The following NDUFA12 variants were observed in gnomAD, a reference collection of about 807,000 sequenced individuals.
The protein encoded by NDUFA12 is NADH dehydrogenase [ubiquinone] 1 alpha subcomplex subunit 12.
Under a neutral mutation model 20.3 loss-of-function variants are expected in NDUFA12, and 17 were observed. The ratio of observed to expected loss-of-function variants is 0.84; its 90% CI spans 0.57 to 1.26. NDUFA12 has a LOEUF of 1.26. Ranked by LOEUF, NDUFA12 falls within the 50% of genes most tolerant of loss-of-function variation. The pLI, the probability that NDUFA12 is intolerant of heterozygous loss-of-function variation, is 0.00. For missense variants in NDUFA12, 191 were observed against 183.7 expected, an observed-to-expected ratio of 1.04 and a Z score of -0.23; for synonymous variants, 72 against 63.6, an observed-to-expected ratio of 1.13 and a Z score of -0.63.
chr12:95,001,598 A>C (rs528074194), intron 2 of NDUFA12, among the ~76,000 whole-genome samples: 1 of 152,268 alleles, frequency 6.6e-6, no homozygotes, highest in East Asian at 1.9e-4. Flanking sequence ...ACTGCACTCT[A>C]GACTGGGTGA....
intron 2 of NDUFA12, among the ~76,000 whole-genome samples, chr12:95,000,633 A>G (rs912771657): frequency 1.3e-5 from 2 of 152,184 alleles, no homozygotes; most frequent in Admixed American, 6.5e-5. Context: ...TAGGGAAGTT[A>G]ATTAAGTTAA....
At chr12:94,973,919 T>G (rs1308265993) in intron 3 of NDUFA12, among the ~76,000 whole-genome samples, 1 of 151,754 alleles carries the variant, frequency 6.6e-6, no homozygotes, top group East Asian at 1.9e-4. Context: ...AATCATATCT[T>G]TCAGATTGCC....
chr12:94,971,825 T>A (rs1873896806), intron 3 of NDUFA12: 1 of 751,452 alleles, frequency 1.3e-6, no homozygotes, highest in East Asian at 2.4e-5. Context: ...TAAAAGGAGA[T>A]AATAGACATA....
chr12:94,978,362 T>C (rs1423134162), intron 3 of NDUFA12, among the ~76,000 whole-genome samples: 2 of 152,088 alleles, frequency 1.3e-5, no homozygotes, highest in South Asian at 4.1e-4. Context: ...GAGGCAGTGA[T>C]GAGATGTGGG....
intron 3 of NDUFA12, among the ~76,000 whole-genome samples, chr12:94,991,430 GA>G (rs71075889): frequency 5.4e-5 from 8 of 147,472 alleles, no homozygotes; most frequent in South Asian, 4.3e-4. Flanking sequence ...AAAATTAATT[GA>G]AAAAAAAAAG....
intron 3 of NDUFA12, among the ~76,000 whole-genome samples, chr12:94,984,736 A>ACAAC (rs1874358369): frequency 1.3e-5 from 1 of 74,164 alleles, no homozygotes; most frequent in Non-Finnish European, 2.4e-5. Context: ...ACAACAAAAA[A>ACAAC]CCCATATATA....
At chr12:94,974,203 C>T (rs1873987256) in intron 3 of NDUFA12, among the ~76,000 whole-genome samples, 2 of 151,924 alleles carry the variant, frequency 1.3e-5, no homozygotes, top group South Asian at 4.1e-4. Flanking sequence ...AACTCCTGGC[C>T]TCCAGTGATT....
rs377503358 is a variant in NDUFA12 at position 94,986,288 on chromosome 12, C to T, written c.257+7882G>A. On this transcript the variant is annotated intron_variant, in intron 3 of 3. Transcript: ENST00000327772. ...AAGCAGAGTAGAATGGTGGTTACCA[C>T]GGGCAGGAGGAGTGGAGAGTATAAG... 6.0e-3 allele frequency among the ~76,000 whole-genome samples: 914 copies of T among 151,542 alleles called. 3 individuals carry two copies. Among genetic ancestry groups the T allele is most frequent in the African/African-American group, 0.012 (492 of 41,324 alleles).
At chr12:95,003,293 T>C (rs566556099) in intron 1 of NDUFA12, among the ~76,000 whole-genome samples, 11 of 152,110 alleles carry the variant, frequency 7.2e-5, no homozygotes, top group Non-Finnish European at 1.6e-4. Flanking sequence ...GGAAAAAAAC[T>C]TTACCAGGGT....
At chr12:94,990,428 C>CT (rs1555200893) in intron 3 of NDUFA12, among the ~76,000 whole-genome samples, 2 of 151,940 alleles carry the variant, frequency 1.3e-5, no homozygotes, top group African/African-American at 2.4e-5. Flanking sequence ...AACCAAAGAG[C>CT]TTTTTTTATT....
intron 2 of NDUFA12, among the ~76,000 whole-genome samples, chr12:95,001,877 G>C (rs975998849): frequency 6.6e-6 from 1 of 151,658 alleles, no homozygotes; most frequent in African/African-American, 2.4e-5. Flanking sequence ...GCTAATTTTT[G>C]TATTTTTAGT....
chr12:94,979,586 T>C (rs1451585988), intron 3 of NDUFA12, among the ~76,000 whole-genome samples: 1 of 151,596 alleles, frequency 6.6e-6, no homozygotes, highest in African/African-American at 2.4e-5. Flanking sequence ...ATCCCAGCAC[T>C]TTGGAAGGCT....
intron 1 of NDUFA12, 35 bp downstream of exon 1, chr12:95,003,560 C>T (rs1429106935): frequency 6.2e-7 from 1 of 1,606,588 alleles, no homozygotes; most frequent in African/African-American, 1.3e-5. Context: ...GAAAGTCCAG[C>T]CCCAGAGGCC....
At chr12:94,990,227 T>C (rs1296677511) in intron 3 of NDUFA12, among the ~76,000 whole-genome samples, 2 of 148,962 alleles carry the variant, frequency 1.3e-5, no homozygotes. Context: ...CCCTGGAGCT[T>C]AGAATAAAAG....
chr12:94,974,663 AT>A lies in NDUFA12; in HGVS notation c.258-3044del, dbSNP rs753468850. Among the ~76,000 whole-genome samples, 9 of 152,366 alleles carry A rather than the reference AT, an allele frequency of 5.9e-5. No individual in the cohort carries two copies. The South Asian group carries it at 1.9e-3, about 32-fold the overall frequency. ...AAATACAATGGGGTACTATTCAGCCATAAAAAAGAACAACATCCTGTCATTA... is the reference window on the plus strand; with the variant it reads ...AAATACAATGGGGTACTATTCAGCCAAAAAAAGAACAACATCCTGTCATTA... On this transcript the variant is annotated intron_variant, in intron 3 of 3. Coordinates refer to ENST00000327772, the MANE Select transcript of NDUFA12 (RefSeq NM_018838.5).
chr12:94,998,266 G>A (rs1046811392), intron 2 of NDUFA12, among the ~76,000 whole-genome samples: 1 of 152,012 alleles, frequency 6.6e-6, no homozygotes, highest in Non-Finnish European at 1.5e-5. Flanking sequence ...AAAAGCATTC[G>A]ATAAAATCCA....
intron 3 of NDUFA12, among the ~76,000 whole-genome samples, chr12:94,979,835 CAA>C (rs35821688): frequency 1.8e-4 from 25 of 137,186 alleles, no homozygotes; most frequent in Admixed American, 2.9e-4. Context: ...GACCCTGTCT[CAA>C]AAAAAAAAAA....
chr12:94,991,659 G>A (rs1234257730), intron 3 of NDUFA12, among the ~76,000 whole-genome samples: 2 of 148,944 alleles, frequency 1.3e-5, no homozygotes, highest in African/African-American at 4.9e-5. Context: ...CCTGGGAGGC[G>A]GAAGTTGCAG....
At chr12:94,993,347 G>A (rs1874707717) in intron 3 of NDUFA12, among the ~76,000 whole-genome samples, 1 of 89,716 alleles carries the variant, frequency 1.1e-5, no homozygotes. Flanking sequence ...AAATTAGGCC[G>A]AGTGCAGTGG....
Sources: allele counts gnomAD v4.1 joint callset (sites outside exome capture counted in the v4.1 genomes callset), GRCh38; gene constraint gnomAD v4.1.1; transcripts MANE v1.5; gene names NCBI Gene and HGNC (gene_info 2026-07-23, HGNC 2026-07-21).